BCAS3: variants seen among roughly 807,000 people sequenced by gnomAD.
The protein encoded by BCAS3 is BCAS4/BCAS3 fusion.
In BCAS3, 53 loss-of-function variants were observed where a neutral mutation model predicts 116.1. The ratio of observed to expected loss-of-function variants is 0.46; its 90% CI spans 0.37 to 0.57. BCAS3 has a LOEUF of 0.57. Among genes scored for constraint, BCAS3 ranks in the 20% least tolerant of loss-of-function variants. The pLI is 0.00. For missense variants in BCAS3, 917 were observed against 1,165.4 expected, an observed-to-expected ratio of 0.79 and a Z score of 3.10; for synonymous variants, 391 against 408.2, an observed-to-expected ratio of 0.96 and a Z score of 0.51.
intron 5 of BCAS3, among the ~76,000 whole-genome samples, chr17:60,715,342 G>T (rs952447631): frequency 6.6e-6 from 1 of 151,674 alleles, no homozygotes; most frequent in African/African-American, 2.4e-5. Flanking sequence ...TCACCATGTT[G>T]GCCAGGCTGG....
intron 6 of BCAS3, among the ~76,000 whole-genome samples, chr17:60,799,453 C>CCTTATTTT (rs2047503149): frequency 6.6e-6 from 1 of 151,344 alleles, no homozygotes; most frequent in African/African-American, 2.4e-5. Context: ...TTTTCTCCAT[C>CCTTATTTT]CTTATTTTGT....
rs2054799046 is a variant in BCAS3 at position 61,316,955 on chromosome 17, A to G, written c.2426-51372A>G. ...AGCCCTTCTGTAAAATGGCTACTAT[A>G]TGATCCAGAATTCCCTCTCACCTCA... On this transcript the variant is annotated intron_variant, in intron 22 of 23. Transcript: ENST00000407086. The surrounding 1 kb of genome is among the most constrained non-coding windows in gnomAD (Gnocchi z 5.8). 1.3e-5 allele frequency among the ~76,000 whole-genome samples: 2 copies of G among 152,202 alleles called. No homozygotes were observed. Among genetic ancestry groups the G allele is most frequent in the Non-Finnish European group, 2.9e-5 (2 of 68,032 alleles).
At position 61,381,983 on chromosome 17, in the gene BCAS3, C is replaced by T. The variant is rs1342891825; in HGVS notation, c.2594-9994C>T. 6.6e-6 allele frequency among the ~76,000 whole-genome samples: 1 copy of T among 152,150 alleles called. No individual in the cohort carries two copies. Among genetic ancestry groups the T allele is most frequent in the Non-Finnish European group, 1.5e-5 (1 of 68,028 alleles). ...ACAGCCGCAATAAGTCATTAACTTT[C>T]AGGACAGCTTGTTTCAAAATGAAAA... On this transcript the variant is annotated intron_variant, in intron 23 of 23. Transcript: ENST00000407086. This position sits in a 1 kb window ranked among gnomAD's most constrained non-coding sequence, Gnocchi z 6.0.
rs998947135 is a variant in BCAS3 at position 61,332,954 on chromosome 17, A to G, written c.2426-35373A>G. Reference sequence around the variant, plus strand: ...AAAAGGAGGCAGCTAAGGCTCAGAGAAGTCATATTACAAGTCTAGGGCAGA... The same window carrying G: ...AAAAGGAGGCAGCTAAGGCTCAGAGGAGTCATATTACAAGTCTAGGGCAGA... On this transcript the variant is annotated intron_variant, in intron 22 of 23. Coordinates refer to ENST00000407086, the MANE Select transcript of BCAS3 (RefSeq NM_017679.5). This position sits in a 1 kb window ranked among gnomAD's most constrained non-coding sequence, Gnocchi z 5.4. Among the ~76,000 whole-genome samples, 1 of 152,206 alleles carries G rather than the reference A, an allele frequency of 6.6e-6. No homozygotes were observed. Among genetic ancestry groups the G allele is most frequent in the African/African-American group, 2.4e-5 (1 of 41,450 alleles).
In BCAS3 at chr17:60,967,888, A is replaced by AT. The variant is rs1388511909; in HGVS notation, c.1221+20542dup. On this transcript the variant is annotated intron_variant, in intron 14 of 23. Coordinates refer to ENST00000407086, the MANE Select transcript of BCAS3 (RefSeq NM_017679.5). The surrounding 1 kb of genome is among the most constrained non-coding windows in gnomAD (Gnocchi z 4.7). ...TGTTTCTCAGTTCCAAGATTTCTAT[A>AT]TTTTTTCCCAATCTCTTTGTTAAAT... Among the ~76,000 whole-genome samples, 1 of 151,536 alleles carries AT rather than the reference A, an allele frequency of 6.6e-6. No homozygotes were observed. The highest frequency in any genetic ancestry group is 1.5e-5 in the Non-Finnish European group (1 of 67,924).
At chr17:61,149,767 T>A (rs2077443680) in intron 22 of BCAS3, among the ~76,000 whole-genome samples, 1 of 152,248 alleles carries the variant, frequency 6.6e-6, no homozygotes, top group Admixed American at 6.5e-5. Context: ...GGCGTTTGTC[T>A]TCTTAATAAA....
chr17:60,864,885 A>G (rs1185530557), intron 7 of BCAS3, among the ~76,000 whole-genome samples: 1 of 152,154 alleles, frequency 6.6e-6, no homozygotes, highest in African/African-American at 2.4e-5. Context: ...CTCAGTGATG[A>G]AGGAGGCCTG....
chr17:61,058,925 T>C (rs80079834), intron 19 of BCAS3, among the ~76,000 whole-genome samples: 2,916 of 152,108 alleles, frequency 0.019, 94 homozygotes, highest in African/African-American at 0.065. Context: ...AAGTGATAAA[T>C]TGAGGTGAGG....
chr17:61,297,550 T>C (rs1445235445), intron 22 of BCAS3, among the ~76,000 whole-genome samples: 1 of 152,050 alleles, frequency 6.6e-6, no homozygotes, highest in African/African-American at 2.4e-5. Context: ...AATTAACAAA[T>C]GATTAAAGCA....
At chr17:61,157,172 T>G (rs1490662610) in intron 22 of BCAS3, among the ~76,000 whole-genome samples, 2 of 152,212 alleles carry the variant, frequency 1.3e-5, no homozygotes, top group Admixed American at 1.3e-4. Flanking sequence ...TATCAAAAGA[T>G]GTACAATGTG....
intron 22 of BCAS3, among the ~76,000 whole-genome samples, chr17:61,115,157 T>G (rs529872106): frequency 0.024 from 3,701 of 151,946 alleles, 172 homozygotes; most frequent in African/African-American, 0.084. Context: ...ACCTAGGCAT[T>G]ACCATTCAGG....
intron 13 of BCAS3, among the ~76,000 whole-genome samples, chr17:60,925,922 C>T (rs1394267371): frequency 4.0e-5 from 6 of 151,804 alleles, no homozygotes; most frequent in African/African-American, 1.4e-4. Context: ...AGTCTAAATA[C>T]AAAATTTATT....
At chr17:60,737,354 T>A (rs1395348659) in intron 5 of BCAS3, among the ~76,000 whole-genome samples, 1 of 152,204 alleles carries the variant, frequency 6.6e-6, no homozygotes, top group African/African-American at 2.4e-5. Flanking sequence ...TTTGGTTTCA[T>A]TGATCTTCTC....
chr17:60,719,543 C>T (rs1357996754), intron 5 of BCAS3, among the ~76,000 whole-genome samples: 1 of 152,154 alleles, frequency 6.6e-6, no homozygotes, highest in African/African-American at 2.4e-5. Flanking sequence ...TGATTATTAA[C>T]ATTCATTTTA....
At chr17:60,761,802 A>G (rs2043567321) in intron 6 of BCAS3, among the ~76,000 whole-genome samples, 1 of 130,596 alleles carries the variant, frequency 7.7e-6, no homozygotes, top group African/African-American at 4.7e-5. Context: ...CAATGGTTGA[A>G]CTAGTTTATG....
At chr17:61,066,563 A>T (rs375488488) in intron 19 of BCAS3, among the ~76,000 whole-genome samples, 20 of 152,200 alleles carry the variant, frequency 1.3e-4, no homozygotes, top group African/African-American at 4.3e-4. Context: ...AGTATCTTAA[A>T]CCATGTCCAA....
At chr17:61,284,245 C>G (rs186071561) in intron 22 of BCAS3, among the ~76,000 whole-genome samples, 3 of 152,238 alleles carry the variant, frequency 2.0e-5, no homozygotes, top group Admixed American at 6.5e-5. Flanking sequence ...CACCAGCAGT[C>G]GCAAACCTGC....
intron 9 of BCAS3, among the ~76,000 whole-genome samples, chr17:60,877,094 ATTAT>A (rs1422955853): frequency 1.3e-5 from 2 of 151,982 alleles, no homozygotes; most frequent in African/African-American, 4.8e-5. Context: ...GATGAAGAAA[ATTAT>A]TTATATAGGA....
chr17:61,050,678 CG>C (rs1161378172), intron 19 of BCAS3, among the ~76,000 whole-genome samples: 5 of 151,852 alleles, frequency 3.3e-5, no homozygotes, highest in African/African-American at 1.2e-4. Flanking sequence ...TAGTTATAAA[CG>C]GACATTCTAA....
Sources: gnomAD v4.1 joint callset for allele counts (sites outside exome capture counted in the v4.1 genomes callset) on GRCh38, gnomAD v4.1.1 for gene constraint, Gnocchi (gnomAD v3.1) non-coding constraint, MANE v1.5 for transcripts, NCBI Gene and HGNC (gene_info 2026-07-23, HGNC 2026-07-21) for gene names.